Variants in STK24 observed in about 807,000 individuals in gnomAD.
STK24 encodes serine/threonine kinase 24.
Under a neutral mutation model 55.6 loss-of-function variants are expected in STK24, and 21 were observed. The ratio of observed to expected loss-of-function variants is 0.38; its 90% confidence interval spans 0.27 to 0.54. The LOEUF is 0.54. STK24 is among the 20% of genes least tolerant of loss of function. The pLI is 0.79. For synonymous variants in STK24, 200 were observed against 215.2 expected (o/e 0.93, Z 0.62); for missense variants, 383 against 538.4 (o/e 0.71, Z 2.86).
At chr13:98,492,279 TAAGG>T (rs1895072507) in intron 2 of STK24, among the ~76,000 whole-genome samples, 1 of 152,010 alleles carries the variant, frequency 6.6e-6, no homozygotes, top group African/African-American at 2.4e-5. Context: ...AGGTTCCTAT[TAAGG>T]AAGGATGAGA....
rs575613052 is a variant in STK24, at chr13:98,463,738, C to A, written c.882G>T (p.Trp294Cys). ...LTELIDRYKRWKAEQSHDDSS... is the reference protein window; with the variant it reads ...LTELIDRYKRCKAEQSHDDSS... ...AGTCGTCATGGCTCTGCTCGGCCTT[C>A]CATCTCTTGTACCTGTCGATGAGCT... Residue 294 changes from tryptophan (W) to cysteine (C), a missense_variant, in exon 7 of 11, where the codon TGG becomes TGT. Coordinates refer to ENST00000539966, the MANE Select transcript of STK24 (RefSeq NM_001032296.4). 1 of 1,614,214 alleles carries A rather than the reference C, an allele frequency of 6.2e-7. No homozygotes were observed. The highest frequency in any genetic ancestry group is 1.1e-5 in the South Asian group (1 of 91,084).
At chr13:98,540,604 T>C (rs1266338629) in intron 1 of STK24, among the ~76,000 whole-genome samples, 1 of 152,132 alleles carries the variant, frequency 6.6e-6, no homozygotes, top group East Asian at 1.9e-4. Flanking sequence ...TTCACATTCC[T>C]GTCTACTCCT....
chr13:98,528,659 A>G (rs529495445), intron 1 of STK24, among the ~76,000 whole-genome samples: 3 of 152,330 alleles, frequency 2.0e-5, no homozygotes, highest in Admixed American at 6.5e-5. Context: ...AATAGCTGTC[A>G]TCATCTTCTT....
At chr13:98,529,101 C>T (rs1034329378) in intron 1 of STK24, among the ~76,000 whole-genome samples, 2 of 152,182 alleles carry the variant, frequency 1.3e-5, no homozygotes, top group Middle Eastern at 3.2e-3. Flanking sequence ...GCCTGTCTGG[C>T]GCTACCACCC....
intron 10 of STK24, chr13:98,456,835 C>T (rs1347272514): frequency 4.7e-6 from 2 of 428,942 alleles, no homozygotes; most frequent in African/African-American, 4.0e-5. Context: ...TAGTTACACA[C>T]ATCTGGCTAA....
Position 98,446,130 on chromosome 13 carries a change from C to A in STK24, c.*7043G>T, listed in dbSNP as rs151074430. ...TGTCTGGAAACCTGCTGAGGAAATTCAAAAACAGCAACGGGTGGCAGAAGC... is the reference window on the plus strand; with the variant it reads ...TGTCTGGAAACCTGCTGAGGAAATTAAAAAACAGCAACGGGTGGCAGAAGC... On this transcript the variant is annotated 3_prime_UTR_variant, in exon 11 of 11. Transcript: ENST00000539966. The A allele has an allele frequency of 3.7e-6, 6 of 1,614,006 alleles. No homozygotes were observed. Among genetic ancestry groups the A allele is most frequent in the Non-Finnish European group, 5.1e-6 (6 of 1,179,876 alleles).
rs1892802369 is a variant in STK24 at position 98,445,875 on chromosome 13, C to T, written c.*7298G>A. 1 of 504,504 alleles carries T rather than the reference C, an allele frequency of 2.0e-6. No individual in the cohort carries two copies. The highest frequency in any genetic ancestry group is 3.6e-6 in the Non-Finnish European group (1 of 280,904). The allele number at this position is 504,504 out of a possible 1,614,324, so 31.3% of individuals were successfully genotyped here. The stretch of plus-strand genomic sequence containing the variant: ...CCTCAACGTGTCTTTTGGGGGGACA[C>T]AGGGACCCCAAGATGCCCCACAGCA... On this transcript the variant is annotated 3_prime_UTR_variant, in exon 11 of 11. Transcript: ENST00000539966.
At position 98,451,309 on chromosome 13, in the gene STK24, C is replaced by G. The variant is rs568958002; in HGVS notation, c.*1864G>C. ...ATGCCGCCGGCCTCACGTAAGGAAA[C>G]AGTTCCCCACACAGAATACTCCCTG... is the stretch of plus-strand genomic sequence containing the variant. On this transcript the variant is annotated 3_prime_UTR_variant, in exon 11 of 11. Coordinates refer to ENST00000539966, the MANE Select transcript of STK24 (RefSeq NM_001032296.4). The G allele has an allele frequency of 6.6e-6, 1 of 152,182 alleles. No individual in the cohort carries two copies. Among genetic ancestry groups the G allele is most frequent in the East Asian group, 1.9e-4 (1 of 5,190 alleles). 9.4% of individuals were successfully genotyped at this position (152,182 alleles called of 1,614,324 possible).
At chr13:98,539,378 T>A (rs1896823794) in intron 1 of STK24, among the ~76,000 whole-genome samples, 1 of 152,208 alleles carries the variant, frequency 6.6e-6, no homozygotes, top group Non-Finnish European at 1.5e-5. Flanking sequence ...TTCTTGATGA[T>A]GAACCATCCT....
intron 1 of STK24, among the ~76,000 whole-genome samples, chr13:98,569,795 A>G (rs1384000890): frequency 6.6e-6 from 1 of 151,646 alleles, no homozygotes; most frequent in African/African-American, 2.4e-5. Context: ...GGCAAGCGGA[A>G]GAGAAGTAAA....
At chr13:98,512,961 A>C (rs1471613303) in intron 2 of STK24, among the ~76,000 whole-genome samples, 4 of 152,216 alleles carry the variant, frequency 2.6e-5, no homozygotes, top group African/African-American at 9.6e-5. Context: ...GCCAACACTT[A>C]TGTAATCAGT....
chr13:98,452,503 T>C lies in STK24; in HGVS notation c.*670A>G, dbSNP rs1177184756. On this transcript the variant is annotated 3_prime_UTR_variant, in exon 11 of 11. Transcript: ENST00000539966. ...ATTTGTTGAGGTACAAATAGGAGTGTTCTGTAAGAGAGGGGCATTAATTAT... is the reference window on the plus strand; with the variant it reads ...ATTTGTTGAGGTACAAATAGGAGTGCTCTGTAAGAGAGGGGCATTAATTAT... 6.6e-6 allele frequency: 1 copy of C among 152,606 alleles called. No homozygotes were observed. The highest frequency in any genetic ancestry group is 2.4e-5 in the African/African-American group (1 of 41,424). 9.5% of individuals were successfully genotyped at this position (152,606 alleles called of 1,614,324 possible). A position where few individuals can be genotyped will look rare whatever the true frequency, so the allele number is the denominator to read the frequency against.
chr13:98,547,474 C>T (rs1305263846), intron 1 of STK24, among the ~76,000 whole-genome samples: 2 of 152,170 alleles, frequency 1.3e-5, no homozygotes, highest in Non-Finnish European at 2.9e-5. Flanking sequence ...CTTGAGCCCA[C>T]CAGTTCGAGG....
At chr13:98,564,861 G>A (rs773766320) in intron 1 of STK24, among the ~76,000 whole-genome samples, 1 of 152,112 alleles carries the variant, frequency 6.6e-6, no homozygotes, top group Non-Finnish European at 1.5e-5. Context: ...GCAACATAGC[G>A]AGATTCCCAT....
At chr13:98,572,667 C>T (rs969896412) in intron 1 of STK24, among the ~76,000 whole-genome samples, 1 of 151,986 alleles carries the variant, frequency 6.6e-6, no homozygotes, top group Non-Finnish European at 1.5e-5. Context: ...TCTATTTATC[C>T]AAGCAGCAAG....
intron 1 of STK24, among the ~76,000 whole-genome samples, chr13:98,533,002 A>G (rs531151810): frequency 6.6e-6 from 1 of 152,390 alleles, no homozygotes; most frequent in Non-Finnish European, 1.5e-5. Flanking sequence ...CTGAATAAAT[A>G]TCCTACAGTA....
At chr13:98,567,069 G>A (rs1753621333) in intron 1 of STK24, among the ~76,000 whole-genome samples, 1 of 152,184 alleles carries the variant, frequency 6.6e-6, no homozygotes, top group South Asian at 2.1e-4. Flanking sequence ...ACCCAAGAAA[G>A]TACTCTGTCC....
chr13:98,506,520 A>G (rs1895685639), intron 2 of STK24, among the ~76,000 whole-genome samples: 1 of 152,172 alleles, frequency 6.6e-6, no homozygotes, highest in South Asian at 2.1e-4. Context: ...GGGGAGGACA[A>G]GGACTGCCCT....
rs757521128 is a variant in STK24, at chr13:98,446,077, ACAGGCCTCC to A, written c.*7087_*7095del. ...GGGGCAGGTGCCCGCTGTGCTTCTC[ACAGGCCTCC>A]TTGCCTTTCAGAATCAGTTGTCTGG... On this transcript the variant is annotated 3_prime_UTR_variant, in exon 11 of 11. Transcript: ENST00000539966. The A allele has an allele frequency of 6.4e-7, 1 of 1,564,348 alleles. No homozygotes were observed. The highest frequency in any genetic ancestry group is 1.1e-5 in the South Asian group (1 of 89,970).
Sources: allele counts gnomAD v4.1 joint callset (sites outside exome capture counted in the v4.1 genomes callset), GRCh38; gene constraint gnomAD v4.1.1; transcripts MANE v1.5; gene names NCBI Gene and HGNC (gene_info 2026-07-23, HGNC 2026-07-21).